The following RB1 variants were observed in gnomAD, a reference collection of about 807,000 sequenced individuals.
The protein encoded by RB1 is RB transcriptional corepressor 1, also known as retinoblastoma-associated protein.
In RB1, 18 loss-of-function variants were observed where a neutral mutation model predicts 135.4. The observed-to-expected ratio is 0.13, with a 90% CI of 0.09 to 0.20. The LOEUF (loss-of-function observed/expected upper bound fraction) is 0.20, where lower values mean the gene tolerates loss of function less well. Ranked by LOEUF, RB1 falls within the 10% of genes least tolerant of loss-of-function variation. The pLI is 1.00. For synonymous variants in RB1, 365 were observed against 373.2 expected (o/e 0.98, Z 0.25); for missense variants, 868 against 1,110.0 (o/e 0.78, Z 3.10).
At chr13:48,444,916 A>G (rs1220536595) in intron 17 of RB1, 32 of 152,230 alleles carry the variant, frequency 2.1e-4, no homozygotes, top group Non-Finnish European at 1.5e-5. Flanking sequence ...TTATAACAAC[A>G]CAACAGTTTT....
chr13:48,331,105 A>G (rs1325117306), intron 2 of RB1, among the ~76,000 whole-genome samples: 1 of 152,226 alleles, frequency 6.6e-6, no homozygotes, highest in South Asian at 2.1e-4. Flanking sequence ...AAAACTCTCA[A>G]CAAGTTAGGT....
At chr13:48,317,375 AGCGCAGCGC>A (rs902599941) in intron 2 of RB1, 4 of 367,322 alleles carry the variant, frequency 1.1e-5, no homozygotes, top group Non-Finnish European at 2.0e-5. Context: ...CTACTTTCCG[AGCGCAGCGC>A]GCACGGGTTC....
At chr13:48,338,941 C>T (rs1952413770) in intron 2 of RB1, among the ~76,000 whole-genome samples, 1 of 152,170 alleles carries the variant, frequency 6.6e-6, no homozygotes, top group African/African-American at 2.4e-5. Flanking sequence ...AGGTTGACTC[C>T]AGACCCTGTT....
rs1330939917 is a variant in RB1 at position 48,379,938 on chromosome 13, A to C, written c.1390-115A>C. The C allele has an allele frequency of 4.4e-6, 4 of 911,220 alleles. No individual in the cohort carries two copies. The African/African-American group carries it at 7.1e-5, about 16-fold the overall frequency. The allele number at this position is 911,220 out of a possible 1,614,324, so 56.4% of individuals were successfully genotyped here. ...TTGTGCCATTTCACCCCAGCCTGGC[A>C]ACAGAGCAAGACACCATCTAAAAAA... On this transcript the variant is annotated intron_variant, in intron 14 of 26. Transcript: ENST00000267163.
chr13:48,471,664 C>T (rs1383901854), intron 23 of RB1, among the ~76,000 whole-genome samples: 2 of 149,172 alleles, frequency 1.3e-5, no homozygotes, highest in African/African-American at 2.5e-5. Flanking sequence ...CTTTTGAGAA[C>T]AATTTGAGAA....
At position 48,463,831 on chromosome 13, in the gene RB1, A is replaced by C. The variant is rs1372842030; in HGVS notation, c.2207A>C (p.Gln736Pro). ...TACAAGGATCTTCCTCATGCTGTTC[A>C]GGAGGTAGGTAATTTTCCATAGTAA... ...TAYKDLPHAV[Q>P]ETFKRVLIKE... is the part of the protein sequence containing the mutation. Residue 736 changes from glutamine to proline, a missense_variant, in exon 21 of 27, where the codon CAG (glutamine) becomes CCG (proline). By Grantham distance (76) the Gln-to-Pro change is moderately conservative. Transcript: ENST00000267163. 2 of 1,585,954 alleles carry C rather than the reference A, an allele frequency of 1.3e-6. No homozygotes were observed. The highest frequency in any genetic ancestry group is 1.7e-6 in the Non-Finnish European group (2 of 1,154,692).
intron 17 of RB1, among the ~76,000 whole-genome samples, chr13:48,381,744 G>A (rs1328530361): frequency 5.9e-5 from 9 of 151,910 alleles, no homozygotes; most frequent in African/African-American, 1.9e-4. Context: ...TGTGCACAAC[G>A]TGCAGGTTTG....
chr13:48,319,761 T>G lies in RB1; in HGVS notation c.264+12355T>G. On this transcript the variant is annotated intron_variant, in intron 2 of 26. Coordinates refer to ENST00000267163, the MANE Select transcript of RB1 (RefSeq NM_000321.3). The surrounding 1 kb of genome is among the most constrained non-coding windows in gnomAD (Gnocchi z 5.0). Reference sequence around the variant, plus strand: ...TTTATCTATTGACCCCATCACATTTTTGGGTCGCATGCTATCTCTTCTCAT... The same window carrying G: ...TTTATCTATTGACCCCATCACATTTGTGGGTCGCATGCTATCTCTTCTCAT... The G allele has an allele frequency of 7.2e-6, 2 of 278,342 alleles. No homozygotes were observed. The highest frequency in any genetic ancestry group is 7.4e-6 in the Non-Finnish European group (1 of 135,564). The allele number at this position is 278,342 out of a possible 1,614,324, so 17.2% of individuals were successfully genotyped here. A position where few individuals can be genotyped will look rare whatever the true frequency, so the allele number is the denominator to read the frequency against.
chr13:48,376,456 C>T (rs558308951), intron 12 of RB1, among the ~76,000 whole-genome samples: 71 of 149,094 alleles, frequency 4.8e-4, no homozygotes, highest in Non-Finnish European at 8.1e-4. Flanking sequence ...GCCGAGATTG[C>T]GCCACTGCAC....
intron 17 of RB1, among the ~76,000 whole-genome samples, chr13:48,420,752 CAG>C (rs1402099001): frequency 6.6e-6 from 1 of 152,218 alleles, no homozygotes; most frequent in South Asian, 2.1e-4. Flanking sequence ...AATAGACAAA[CAG>C]AGAGCCAAAT....
intron 1 of RB1, among the ~76,000 whole-genome samples, chr13:48,304,649 C>G (rs551937926): frequency 6.6e-6 from 1 of 152,116 alleles, no homozygotes; most frequent in Non-Finnish European, 1.5e-5. Flanking sequence ...GCATCGAGGC[C>G]TTGGGGACTC....
intron 17 of RB1, among the ~76,000 whole-genome samples, chr13:48,384,496 T>A (rs1453249251): frequency 6.6e-6 from 1 of 152,126 alleles, no homozygotes; most frequent in African/African-American, 2.4e-5. Flanking sequence ...ATATCTCAAG[T>A]GACAGTTTGG....
At chr13:48,429,049 TTGTG>T (rs1244853339) in intron 17 of RB1, among the ~76,000 whole-genome samples, 1 of 152,164 alleles carries the variant, frequency 6.6e-6, no homozygotes, top group African/African-American at 2.4e-5. Flanking sequence ...AGTAGTGAAA[TTGTG>T]TGTGTATTAA....
At chr13:48,471,483 C>T (rs1007766937) in intron 23 of RB1, among the ~76,000 whole-genome samples, 4 of 124,518 alleles carry the variant, frequency 3.2e-5, no homozygotes, top group African/African-American at 1.2e-4. Flanking sequence ...GTGGGTGCAG[C>T]ACACCAGCAT....
Position 48,304,030 on chromosome 13 carries a change from G to A in RB1, c.118G>A (p.Glu40Lys), listed in dbSNP as rs1593412262. The A allele has an allele frequency of 6.8e-7, 1 of 1,461,876 alleles. No homozygotes were observed. Among genetic ancestry groups the A allele is most frequent in the Non-Finnish European group, 9.0e-7 (1 of 1,115,312 alleles). 90.6% of individuals were successfully genotyped at this position (1,461,876 alleles called of 1,614,324 possible). A position where few individuals can be genotyped will look rare whatever the true frequency, so the allele number is the denominator to read the frequency against. ...GGACCCAGAGCAGGACAGCGGCCCG[G>A]AGGACCTGCCTCTCGTCAGGTGAGC... ...EEDPEQDSGPEDLPLVRLEFE... is the reference protein window; with the variant it reads ...EEDPEQDSGPKDLPLVRLEFE... Residue 40 changes from glutamate to lysine, a missense_variant, in exon 1 of 27, where the codon GAG (glutamate) becomes AAG (lysine). This residue lies in a region of RB1 where 641 missense variants were observed against 791.3 expected (regional missense o/e 0.81). Coordinates refer to ENST00000267163, the MANE Select transcript of RB1 (RefSeq NM_000321.3).
At position 48,439,092 on chromosome 13, in the gene RB1, C is replaced by CTA. The variant is rs1593517630; in HGVS notation, c.1696-13901_1696-13900insTA. Among the ~76,000 whole-genome samples, 11 of 152,226 alleles carry CTA rather than the reference C, an allele frequency of 7.2e-5. 1 individual carries two copies. In the East Asian group the frequency reaches 2.1e-3, roughly 29 times the overall value. On this transcript the variant is annotated intron_variant, in intron 17 of 26. Coordinates refer to ENST00000267163, the MANE Select transcript of RB1 (RefSeq NM_000321.3). ...GTGAAAGAGGCAGTAAGCAAAGGAA[C>CTA]GTGACTCCCATACTAGTATAGCAGC... is the stretch of plus-strand genomic sequence containing the variant.
chr13:48,456,353 A>T lies in RB1; in HGVS notation c.1960+4A>T, dbSNP rs2138331716. ...CTTTCACTGTTTTATAAAAAAGGTT[A>T]GTAGATGATTATTTTCAAGAGCATG... On this transcript the variant is annotated splice_donor_region_variant and intron_variant, in intron 19 of 26. Transcript: ENST00000267163. 6.2e-7 allele frequency: 1 copy of T among 1,614,014 alleles called. No individual in the cohort carries two copies. The highest frequency in any genetic ancestry group is 2.2e-5 in the East Asian group (1 of 44,878).
chr13:48,327,775 A>C (rs918416362), intron 2 of RB1, among the ~76,000 whole-genome samples: 2 of 152,200 alleles, frequency 1.3e-5, no homozygotes, highest in African/African-American at 4.8e-5. Flanking sequence ...TTAATGTGCT[A>C]ATAGTTGTGT....
At chr13:48,473,203 A>C (rs1304348809) in intron 23 of RB1, among the ~76,000 whole-genome samples, 157 bp from the exon 24 acceptor site, 1 of 152,192 alleles carries the variant, frequency 6.6e-6, no homozygotes, top group Non-Finnish European at 1.5e-5. Context: ...CACTGTTAGA[A>C]TAATTCCCAA....
Sources: gnomAD v4.1 joint callset for allele counts (sites outside exome capture counted in the v4.1 genomes callset) on GRCh38, gnomAD v4.1.1 for gene constraint, gnomAD v4.1.1 regional missense constraint, Gnocchi (gnomAD v3.1) non-coding constraint, MANE v1.5 for transcripts, NCBI Gene and HGNC (gene_info 2026-07-23, HGNC 2026-07-21) for gene names.